C12orf42: variants seen among roughly 807,000 people sequenced by gnomAD.
The protein encoded by C12orf42 is uncharacterized protein C12orf42.
A neutral mutation model predicts 21.6 loss-of-function variants in C12orf42; 25 were observed. The observed-to-expected ratio is 1.16, with a 90% CI of 0.84 to 1.62. The LOEUF (loss-of-function observed/expected upper bound fraction) is 1.62. Among genes scored for constraint, C12orf42 ranks in the 40% most tolerant of loss-of-function variants. The pLI is 0.00. For synonymous variants in C12orf42, 174 were observed against 175.0 expected (o/e 0.99, Z 0.05); for missense variants, 483 against 459.3 (o/e 1.05, Z -0.47).
At chr12:103,468,846 G>T (rs1347849373) in intron 2 of C12orf42, among the ~76,000 whole-genome samples, 1 of 152,188 alleles carries the variant, frequency 6.6e-6, no homozygotes, top group Admixed American at 6.5e-5. Context: ...ACCCACTGAA[G>T]TGAGCCTTTA....
intron 1 of C12orf42, among the ~76,000 whole-genome samples, chr12:103,488,361 T>C (rs1039611088): frequency 3.9e-5 from 6 of 152,234 alleles, no homozygotes; most frequent in Non-Finnish European, 7.3e-5. Context: ...TAACCCAACC[T>C]TTCTCTCTGG....
the C12orf42 span, among the ~76,000 whole-genome samples, chr12:103,222,727 G>C: frequency 6.6e-6 from 1 of 151,898 alleles, no homozygotes; most frequent in Non-Finnish European, 1.5e-5. Flanking sequence ...CTTGTACTGA[G>C]TATATTTTAC....
intron 2 of C12orf42, among the ~76,000 whole-genome samples, chr12:103,427,960 G>A (rs918026381): frequency 6.6e-6 from 1 of 152,204 alleles, no homozygotes; most frequent in Admixed American, 6.5e-5. Context: ...GAATCTCTGG[G>A]ACACAGCTAA....
the C12orf42 span, among the ~76,000 whole-genome samples, chr12:103,549,171 T>C: frequency 1.3e-5 from 2 of 152,250 alleles, no homozygotes; most frequent in Admixed American, 6.5e-5. Flanking sequence ...TCTCACAGAG[T>C]TAGTCCTTCC....
chr12:103,136,153 G>T, the C12orf42 span, among the ~76,000 whole-genome samples: 2 of 152,072 alleles, frequency 1.3e-5, no homozygotes, highest in Non-Finnish European at 2.9e-5. Context: ...AAAACCTACA[G>T]ACTTCACAAA....
the C12orf42 span, among the ~76,000 whole-genome samples, chr12:103,122,700 T>G: frequency 6.6e-6 from 1 of 152,138 alleles, no homozygotes; most frequent in Non-Finnish European, 1.5e-5. Context: ...CCCAGTATGG[T>G]TAAAGAACAG....
chr12:103,411,290 T>C (rs2048825963), intron 2 of C12orf42, among the ~76,000 whole-genome samples: 2 of 152,176 alleles, frequency 1.3e-5, no homozygotes, highest in Non-Finnish European at 2.9e-5. Flanking sequence ...GCAAAAGTTT[T>C]AAAAAATCAT....
intron 4 of C12orf42, among the ~76,000 whole-genome samples, chr12:103,323,764 A>T (rs2040411702): frequency 6.6e-6 from 1 of 152,208 alleles, no homozygotes; most frequent in Non-Finnish European, 1.5e-5. Context: ...ATTTAAAATG[A>T]AAATAAGAAA....
At position 103,309,623 on chromosome 12, in the gene C12orf42, CAA is replaced by C. The variant is rs5800582; in HGVS notation, c.260-3280_260-3279del. Among the ~76,000 whole-genome samples, 11 of 142,598 alleles carry C rather than the reference CAA, an allele frequency of 7.7e-5. No homozygotes were observed. The East Asian group carries it at 2.0e-3, about 26-fold the overall frequency. The allele number at this position is 142,598 out of a possible 152,430, so 93.5% of individuals were successfully genotyped here. A position where few individuals can be genotyped will look rare whatever the true frequency, so the allele number is the denominator to read the frequency against. ...ATCATTAATACCAGCTCTTTTCACT[CAA>C]AAAAAAAAAGTGTCCAGATTTGAGG... On this transcript the variant is annotated intron_variant, in intron 4 of 5. Coordinates refer to ENST00000548883, the MANE Select transcript of C12orf42 (RefSeq NM_198521.5).
At chr12:103,051,570 G>GT in the C12orf42 span, among the ~76,000 whole-genome samples, 2 of 152,134 alleles carry the variant, frequency 1.3e-5, no homozygotes, top group Admixed American at 1.3e-4. Context: ...GGATATCTTT[G>GT]TTTAAACACC....
the C12orf42 span, among the ~76,000 whole-genome samples, chr12:103,520,706 AAACT>A: frequency 6.6e-6 from 1 of 152,348 alleles, no homozygotes; most frequent in Admixed American, 6.5e-5. Context: ...AAAAAAAATA[AAACT>A]AACAAAAACT....
chr12:103,084,263 A>G, the C12orf42 span, among the ~76,000 whole-genome samples: 2 of 152,254 alleles, frequency 1.3e-5, no homozygotes, highest in Non-Finnish European at 2.9e-5. Context: ...ATATTCTAGC[A>G]GAAAACAATT....
At chr12:103,403,739 T>C (rs1329737047) in intron 2 of C12orf42, among the ~76,000 whole-genome samples, 1 of 152,194 alleles carries the variant, frequency 6.6e-6, no homozygotes, top group African/African-American at 2.4e-5. Context: ...TGCGTCTCAG[T>C]TCTCCTTCTC....
chr12:103,413,148 T>C (rs2048993969), intron 2 of C12orf42, among the ~76,000 whole-genome samples: 1 of 152,212 alleles, frequency 6.6e-6, no homozygotes, highest in Non-Finnish European at 1.5e-5. Flanking sequence ...GGGTGAAAGC[T>C]GGTGAAAGTA....
the C12orf42 span, among the ~76,000 whole-genome samples, chr12:103,177,368 T>C: frequency 6.6e-6 from 1 of 152,162 alleles, no homozygotes; most frequent in African/African-American, 2.4e-5. Flanking sequence ...TGACCAAAAG[T>C]TACCCCTAAG....
intron 4 of C12orf42, among the ~76,000 whole-genome samples, chr12:103,322,771 G>A (rs1424447058): frequency 6.6e-6 from 1 of 152,140 alleles, no homozygotes; most frequent in Non-Finnish European, 1.5e-5. Context: ...AGTGCATTAG[G>A]TTAATCTGTT....
At chr12:103,098,989 G>C in the C12orf42 span, among the ~76,000 whole-genome samples, 1 of 152,138 alleles carries the variant, frequency 6.6e-6, no homozygotes, top group Non-Finnish European at 1.5e-5. Context: ...AGATATAGCA[G>C]AAGGGAAAGC....
At chr12:103,087,825 A>G in the C12orf42 span, among the ~76,000 whole-genome samples, 1 of 152,262 alleles carries the variant, frequency 6.6e-6, no homozygotes, top group East Asian at 1.9e-4. Context: ...TCAACAGGAC[A>G]TGATTAAAAT....
At chr12:103,119,066 G>A in the C12orf42 span, among the ~76,000 whole-genome samples, 19 of 152,052 alleles carry the variant, frequency 1.2e-4, no homozygotes, top group Admixed American at 3.3e-4. Context: ...AAATGGACAC[G>A]GATATCACTT....
Sources: gnomAD v4.1 joint callset for allele counts (sites outside exome capture counted in the v4.1 genomes callset) on GRCh38, gnomAD v4.1.1 for gene constraint, MANE v1.5 for transcripts, NCBI Gene and HGNC (gene_info 2026-07-23, HGNC 2026-07-21) for gene names.